Variants in PDE4B observed in about 807,000 individuals in gnomAD.
The protein encoded by PDE4B is 3',5'-cyclic-AMP phosphodiesterase 4B.
Under a neutral mutation model 82.2 loss-of-function variants are expected in PDE4B, and 20 were observed. The ratio of observed to expected loss-of-function variants is 0.24; its 90% CI spans 0.17 to 0.35. The LOEUF (loss-of-function observed/expected upper bound fraction) is 0.35. PDE4B is among the 10% of genes least tolerant of loss of function. The probability of loss-of-function intolerance (pLI) is 1.00; values close to 1 mark genes in which losing one functional copy is unlikely to be tolerated. For synonymous variants in PDE4B, 320 were observed against 318.9 expected, an observed-to-expected ratio of 1.00 and a Z score of -0.04; for missense variants, 655 against 907.2, an observed-to-expected ratio of 0.72 and a Z score of 3.57.
chr1:66,112,536 T>C (rs1290345019), intron 3 of PDE4B, among the ~76,000 whole-genome samples: 4 of 152,216 alleles, frequency 2.6e-5, no homozygotes, highest in African/African-American at 4.8e-5. Flanking sequence ...TTGTCTACAA[T>C]GAGCCAGCTG....
At chr1:66,331,098 T>G (rs960227900) in intron 7 of PDE4B, among the ~76,000 whole-genome samples, 1 of 152,254 alleles carries the variant, frequency 6.6e-6, no homozygotes, top group Non-Finnish European at 1.5e-5. Context: ...ATCACAGTTC[T>G]GTTGATTCTC....
At chr1:66,169,631 A>G (rs1326546104) in intron 3 of PDE4B, among the ~76,000 whole-genome samples, 1 of 152,204 alleles carries the variant, frequency 6.6e-6, no homozygotes, top group Non-Finnish European at 1.5e-5. Context: ...TCCAAATGCA[A>G]TGCAAACCAG....
intron 3 of PDE4B, among the ~76,000 whole-genome samples, chr1:66,204,008 C>T (rs1013441747): frequency 4.6e-5 from 7 of 152,118 alleles, no homozygotes; most frequent in African/African-American, 1.2e-4. Flanking sequence ...ATGATGGTGA[C>T]GTACAGATGG....
chr1:65,803,953 A>T (rs1416527473), intron 1 of PDE4B, among the ~76,000 whole-genome samples: 1 of 152,234 alleles, frequency 6.6e-6, no homozygotes, highest in Non-Finnish European at 1.5e-5. Context: ...TGATATGCTG[A>T]TAATGCTTGA....
At chr1:65,874,652 A>G (rs1289193756) in intron 1 of PDE4B, among the ~76,000 whole-genome samples, 2 of 151,950 alleles carry the variant, frequency 1.3e-5, no homozygotes, top group African/African-American at 2.4e-5. Flanking sequence ...CATACCTACA[A>G]CTATCTGATC....
intron 3 of PDE4B, among the ~76,000 whole-genome samples, chr1:66,195,685 A>G (rs184054852): frequency 2.6e-5 from 4 of 152,144 alleles, no homozygotes; most frequent in African/African-American, 9.6e-5. Context: ...TACCTAGCTC[A>G]TAAGTTTCCT....
chr1:66,052,322 CT>C (rs1307420935), intron 3 of PDE4B, among the ~76,000 whole-genome samples: 2 of 152,074 alleles, frequency 1.3e-5, no homozygotes, highest in African/African-American at 4.8e-5. Flanking sequence ...GCTAAAAATG[CT>C]TGCAAAAATT....
intron 3 of PDE4B, among the ~76,000 whole-genome samples, chr1:65,976,175 A>G (rs1283276504): frequency 3.9e-5 from 6 of 152,192 alleles, no homozygotes; most frequent in Non-Finnish European, 8.8e-5. Context: ...AGGCCTTGGG[A>G]GCCCACCCCT....
intron 7 of PDE4B, among the ~76,000 whole-genome samples, chr1:66,296,427 C>A (rs905826202): frequency 2.6e-5 from 4 of 152,138 alleles, no homozygotes; most frequent in African/African-American, 4.8e-5. Context: ...CATTGCAATT[C>A]TTTTTCTGTT....
chr1:66,189,165 A>T (rs1480729946), intron 3 of PDE4B, among the ~76,000 whole-genome samples: 13 of 151,922 alleles, frequency 8.6e-5, no homozygotes, highest in South Asian at 2.1e-4. Flanking sequence ...ATTGGCCCCC[A>T]CTCTCTGCTG....
chr1:65,843,841 A>G (rs1646237459), intron 1 of PDE4B, among the ~76,000 whole-genome samples: 1 of 152,198 alleles, frequency 6.6e-6, no homozygotes. Context: ...AAAATGGCAT[A>G]TCTCTACATT....
At chr1:66,052,500 G>C (rs1655087060) in intron 3 of PDE4B, among the ~76,000 whole-genome samples, 1 of 151,622 alleles carries the variant, frequency 6.6e-6, no homozygotes, top group Non-Finnish European at 1.5e-5. Flanking sequence ...CCATGCCAGG[G>C]CTTAGAACAC....
intron 7 of PDE4B, among the ~76,000 whole-genome samples, chr1:66,309,168 C>G (rs979741260): frequency 1.3e-5 from 2 of 152,180 alleles, no homozygotes; most frequent in Non-Finnish European, 2.9e-5. Context: ...GGAAACACCA[C>G]CTGCCTTTCA....
At chr1:66,197,998 T>A (rs1648483364) in intron 3 of PDE4B, among the ~76,000 whole-genome samples, 1 of 152,154 alleles carries the variant, frequency 6.6e-6, no homozygotes, top group Admixed American at 6.6e-5. Flanking sequence ...TTTTAATACT[T>A]TCTTTGCAAA....
intron 7 of PDE4B, among the ~76,000 whole-genome samples, chr1:66,298,573 C>A (rs1657670490): frequency 6.6e-6 from 1 of 152,136 alleles, no homozygotes; most frequent in Admixed American, 6.5e-5. Flanking sequence ...GATCACACAA[C>A]TTTTATGGGG....
At chr1:66,213,350 T>C (rs1214280423) in intron 3 of PDE4B, among the ~76,000 whole-genome samples, 1 of 152,170 alleles carries the variant, frequency 6.6e-6, no homozygotes, top group African/African-American at 2.4e-5. Context: ...AAAATCCTTT[T>C]CAAGATTTAC....
intron 3 of PDE4B, among the ~76,000 whole-genome samples, chr1:66,221,647 A>G (rs1037674912): frequency 1.3e-5 from 2 of 152,136 alleles, no homozygotes; most frequent in African/African-American, 4.8e-5. Flanking sequence ...AAGTGTCCTC[A>G]TTATATATTT....
intron 8 of PDE4B, among the ~76,000 whole-genome samples, chr1:66,339,549 A>G (rs934775719): frequency 6.6e-6 from 1 of 152,238 alleles, no homozygotes; most frequent in African/African-American, 2.4e-5. Context: ...AGTCTCTAAA[A>G]AACAAACAGA....
Position 66,041,847 on chromosome 1 carries a change from C to CAG in PDE4B, c.281+123014_281+123015dup, listed in dbSNP as rs1553136786. 2.1e-3 allele frequency among the ~76,000 whole-genome samples: 314 copies of CAG among 150,652 alleles called. 3 individuals are homozygous for CAG. Among genetic ancestry groups the CAG allele is most frequent in the African/African-American group, 7.2e-3 (298 of 41,130 alleles). Reference sequence around the variant, plus strand: ...ACACACATACACACACACACACACACAGAATACCTAATGTATGATTCAACA... The same window carrying CAG: ...ACACACATACACACACACACACACACAGAGAATACCTAATGTATGATTCAACA... On this transcript the variant is annotated intron_variant, in intron 3 of 16. Coordinates refer to ENST00000341517, the MANE Select transcript of PDE4B (RefSeq NM_002600.4).
Sources: gnomAD v4.1 joint callset for allele counts (sites outside exome capture counted in the v4.1 genomes callset) on GRCh38, gnomAD v4.1.1 for gene constraint, MANE v1.5 for transcripts, NCBI Gene and HGNC (gene_info 2026-07-23, HGNC 2026-07-21) for gene names.